Variants in ATG2B observed in about 807,000 individuals in gnomAD.
ATG2B encodes autophagy-related protein 2 homolog B.
A neutral mutation model predicts 241.3 loss-of-function variants in ATG2B; 121 were observed. The observed-to-expected ratio is 0.50, with a 90% CI of 0.43 to 0.58. The LOEUF (loss-of-function observed/expected upper bound fraction) is 0.58. Ranked by LOEUF, ATG2B falls within the 20% of genes least tolerant of loss-of-function variation. The probability of loss-of-function intolerance (pLI) is 0.00; values close to 1 mark genes in which losing one functional copy is unlikely to be tolerated. For missense variants in ATG2B, 2,306 were observed against 2,491.6 expected (o/e 0.93, Z 1.59); for synonymous variants, 858 against 876.6 (o/e 0.98, Z 0.37).
intron 1 of ATG2B, among the ~76,000 whole-genome samples, chr14:96,351,189 T>C (rs1478932538): frequency 6.6e-6 from 1 of 152,246 alleles, no homozygotes; most frequent in Non-Finnish European, 1.5e-5. Flanking sequence ...TAGAATAAAA[T>C]GTGTGCCGAG....
In ATG2B at chr14:96,340,102, G is replaced by GAATATATATAT. The variant is rs1887977487; in HGVS notation, c.924+1419_924+1420insATATATATATT. On this transcript the variant is annotated intron_variant, in intron 6 of 41. Coordinates refer to ENST00000359933, the MANE Select transcript of ATG2B (RefSeq NM_018036.7). ...GATATATATGAATATATGCTATATA[G>GAATATATATAT]AATATATGATATATATGAATATATA... Among the ~76,000 whole-genome samples, 4 of 60,350 alleles carry GAATATATATAT rather than the reference G, an allele frequency of 6.6e-5. 1 individual carries two copies. Among genetic ancestry groups the GAATATATATAT allele is most frequent in the African/African-American group, 4.7e-5 (1 of 21,376 alleles). 39.6% of individuals were successfully genotyped at this position (60,350 alleles called of 152,430 possible). A position where few individuals can be genotyped will look rare whatever the true frequency, so the allele number is the denominator to read the frequency against.
intron 14 of ATG2B, 124 bp downstream of exon 14, chr14:96,328,223 A>T: frequency 1.6e-6 from 1 of 625,594 alleles, no homozygotes; most frequent in Non-Finnish European, 2.5e-6. Flanking sequence ...TTTTATTATT[A>T]CAAATAATGC....
At position 96,331,301 on chromosome 14, in the gene ATG2B, C is replaced by T. The variant is rs562478372; in HGVS notation, c.1730+75G>A. On this transcript the variant is annotated intron_variant, in intron 11 of 41. Transcript: ENST00000359933. ...GCAGATAGGCAGATACAAAAGTCCA[C>T]ATGTGGTTCTTTTTCAAGGATCATT... 1.1e-5 allele frequency: 15 copies of T among 1,390,442 alleles called. No individual in the cohort carries two copies. In the East Asian group the frequency reaches 3.0e-4, roughly 28 times the overall value. 86.1% of individuals were successfully genotyped at this position (1,390,442 alleles called of 1,614,324 possible).
Position 96,279,834 on chromosome 14 carries a change from C to T in ATG2B, c.*5921G>A, listed in dbSNP as rs994968129. 1.3e-5 allele frequency: 2 copies of T among 148,354 alleles called. No individual in the cohort carries two copies. The highest frequency in any genetic ancestry group is 2.5e-5 in the African/African-American group (1 of 39,990). The allele number at this position is 148,354 out of a possible 1,614,324, so 9.2% of individuals were successfully genotyped here. On this transcript the variant is annotated 3_prime_UTR_variant, in exon 42 of 42. Transcript: ENST00000359933. ...TGTCTGGAGACGTCTTTGGCTGTCA[C>T]AACTGGGGGAGGGGAGTTTGTTACT...
At chr14:96,323,094 G>A (rs1686382637) in intron 16 of ATG2B, among the ~76,000 whole-genome samples, 1 of 152,142 alleles carries the variant, frequency 6.6e-6, no homozygotes, top group Non-Finnish European at 1.5e-5. Context: ...TAAATTACTT[G>A]TCTACCTAAG....
At chr14:96,297,858 C>T (rs1886690170) in intron 34 of ATG2B, among the ~76,000 whole-genome samples, 1 of 152,156 alleles carries the variant, frequency 6.6e-6, no homozygotes, top group East Asian at 1.9e-4. Context: ...GTAGCATGAT[C>T]ATGGCTCACT....
At chr14:96,308,245 T>TATAC (rs1390317101) in intron 29 of ATG2B, among the ~76,000 whole-genome samples, 1 of 27,714 alleles carries the variant, frequency 3.6e-5, no homozygotes, top group African/African-American at 2.0e-4. Flanking sequence ...TATATATATA[T>TATAC]ATATATACAC....
chr14:96,351,906 A>G (rs1888333284), intron 1 of ATG2B, among the ~76,000 whole-genome samples: 1 of 151,296 alleles, frequency 6.6e-6, no homozygotes, highest in South Asian at 2.1e-4. Flanking sequence ...TGTCTCAAAA[A>G]AAAAAAAAAG....
Position 96,315,468 on chromosome 14 carries a change from A to G in ATG2B, c.3477T>C (p.Ser1159=). The G allele has an allele frequency of 6.2e-7, 1 of 1,614,200 alleles. No individual in the cohort carries two copies. The highest frequency in any genetic ancestry group is 8.5e-7 in the Non-Finnish European group (1 of 1,180,014). ...AACTGTCTCCTCCAACTCCATCTGA[A>G]GAAGTTTTACTGAGGCCATCTTCTT... The part of the protein sequence containing the change: ...SSEEDGLSKT[S]SDGVGGDSLN... The change falls in exon 22 of 42, where the codon TCT becomes TCC. Residue 1159 remains serine, a synonymous_variant. Coordinates refer to ENST00000359933, the MANE Select transcript of ATG2B (RefSeq NM_018036.7).
chr14:96,356,034 CGGGGT>C (rs1017736080), intron 1 of ATG2B, among the ~76,000 whole-genome samples: 2 of 151,674 alleles, frequency 1.3e-5, no homozygotes, highest in African/African-American at 4.8e-5. Flanking sequence ...TGCCAGGCGT[CGGGGT>C]GGGAGCCTGT....
chr14:96,359,192 C>T (rs112312254), intron 1 of ATG2B, among the ~76,000 whole-genome samples: 1,627 of 151,946 alleles, frequency 0.011, 30 homozygotes, highest in African/African-American at 0.037. Flanking sequence ...GGCAACATGG[C>T]GAAATCCCGT....
intron 8 of ATG2B, 146 bp from the exon 9 acceptor site, chr14:96,332,801 G>GT: frequency 2.0e-6 from 1 of 495,066 alleles, no homozygotes; most frequent in Non-Finnish European, 3.2e-6. Context: ...TTACAGTGGT[G>GT]TAATTTATGA....
chr14:96,312,113 T>C lies in ATG2B; in HGVS notation c.3889A>G (p.Thr1297Ala). Residue 1297 changes from threonine (T) to alanine (A), a missense_variant, in exon 26 of 42, where the codon ACT becomes GCT. Physicochemically the swap from Thr to Ala is moderately conservative, Grantham distance 58 (BLOSUM62 0). Coordinates refer to ENST00000359933, the MANE Select transcript of ATG2B (RefSeq NM_018036.7). ...AALHLSDKCN[T>A]VTINLSRDYV... ...CCTCTACTCAGATTTATAGTGACAG[T>C]ATTGCATTTGTCAGATAGATGTAAA... is the stretch of plus-strand genomic sequence containing the variant. 6.2e-7 allele frequency: 1 copy of C among 1,604,384 alleles called. No individual in the cohort carries two copies. The highest frequency in any genetic ancestry group is 1.1e-5 in the South Asian group (1 of 88,976).
chr14:96,349,146 T>C (rs1888247840), intron 1 of ATG2B, among the ~76,000 whole-genome samples: 1 of 152,176 alleles, frequency 6.6e-6, no homozygotes, highest in Non-Finnish European at 1.5e-5. Context: ...CAGAAGGAGT[T>C]AATCAGGCAA....
chr14:96,311,447 T>C, intron 27 of ATG2B, 95 bp downstream of exon 27: 1 of 1,241,868 alleles, frequency 8.1e-7, no homozygotes, highest in South Asian at 1.4e-5. Context: ...ACTCTATTTC[T>C]GACCAAAATT....
At position 96,362,717 on chromosome 14, in the gene ATG2B, A is replaced by G. The variant is rs557908416; in HGVS notation, c.162+98T>C. On this transcript the variant is annotated intron_variant, in intron 1 of 41. Transcript: ENST00000359933. ...TCACACTCGGGTCCAAACAATTCCCAAGGAGGGACTGACTGTCACCAATCT... is the reference window on the plus strand; with the variant it reads ...TCACACTCGGGTCCAAACAATTCCCGAGGAGGGACTGACTGTCACCAATCT... The G allele has an allele frequency of 8.0e-6, 10 of 1,257,518 alleles. No individual in the cohort carries two copies. The African/African-American group carries it at 9.0e-5, about 11-fold the overall frequency. The allele number at this position is 1,257,518 out of a possible 1,614,324, so 77.9% of individuals were successfully genotyped here.
chr14:96,355,659 G>A (rs531687006), intron 1 of ATG2B, among the ~76,000 whole-genome samples: 15 of 151,860 alleles, frequency 9.9e-5, no homozygotes, highest in Admixed American at 3.3e-4. Flanking sequence ...TTTTAAATGC[G>A]GGCCATTGGT....
rs1050437347 is a variant in ATG2B, at chr14:96,282,592, G to A, written c.*3163C>T. On this transcript the variant is annotated 3_prime_UTR_variant, in exon 42 of 42. Coordinates refer to ENST00000359933, the MANE Select transcript of ATG2B (RefSeq NM_018036.7). ...GATTAGTCAATCCTGAAACCATTTA[G>A]TGCAATTGGGGATTCCTCATTTTAA... 10 of 152,368 alleles carry A rather than the reference G, an allele frequency of 6.6e-5. No homozygotes were observed. Among genetic ancestry groups the A allele is most frequent in the African/African-American group, 1.9e-4 (8 of 41,590 alleles). The allele number at this position is 152,368 out of a possible 1,614,324, so 9.4% of individuals were successfully genotyped here.
chr14:96,326,883 A>G (rs1021006067), intron 14 of ATG2B, among the ~76,000 whole-genome samples: 2 of 152,166 alleles, frequency 1.3e-5, no homozygotes, highest in Non-Finnish European at 2.9e-5. Flanking sequence ...TAACAAATCT[A>G]TTCTAACTCT....
Sources: allele counts gnomAD v4.1 joint callset (sites outside exome capture counted in the v4.1 genomes callset), GRCh38; gene constraint gnomAD v4.1.1; transcripts MANE v1.5; gene names NCBI Gene and HGNC (gene_info 2026-07-23, HGNC 2026-07-21).